PIK3C3: variants seen among roughly 807,000 people sequenced by gnomAD.
PIK3C3 encodes the protein PI3-kinase type 3.
A neutral mutation model predicts 126.1 loss-of-function variants in PIK3C3; 95 were observed. The ratio of observed to expected loss-of-function variants is 0.75; its 90% CI spans 0.64 to 0.89. PIK3C3 has a LOEUF of 0.89. PIK3C3 is among the 40% of genes least tolerant of loss of function. The pLI is 0.00. For missense variants in PIK3C3, 829 were observed against 1,063.2 expected, an observed-to-expected ratio of 0.78 and a Z score of 3.06; for synonymous variants, 374 against 360.0, an observed-to-expected ratio of 1.04 and a Z score of -0.44.
chr18:42,024,105 G>A (rs1983446626), intron 13 of PIK3C3, among the ~76,000 whole-genome samples: 1 of 152,114 alleles, frequency 6.6e-6, no homozygotes, highest in South Asian at 2.1e-4. Context: ...GCTTTGACAT[G>A]TTTTCTATAA....
intron 13 of PIK3C3, 48 bp from the exon 14 acceptor site, chr18:42,027,395 A>G (rs752247159): frequency 9.5e-7 from 1 of 1,057,824 alleles, no homozygotes; most frequent in South Asian, 1.4e-5. Context: ...TACAAACTGA[A>G]TCTAAGTTTC....
chr18:42,034,301 AC>A (rs1983953273), intron 16 of PIK3C3, among the ~76,000 whole-genome samples: 2 of 152,060 alleles, frequency 1.3e-5, no homozygotes, highest in Non-Finnish European at 2.9e-5. Flanking sequence ...CAGTCTTCCC[AC>A]CTCAGCCTCC....
intron 16 of PIK3C3, among the ~76,000 whole-genome samples, chr18:42,036,405 AT>A (rs201802320): frequency 5.3e-4 from 80 of 150,996 alleles, no homozygotes; most frequent in Admixed American, 1.6e-3. Context: ...GGTTATTACC[AT>A]TTTTTTTGTT....
At chr18:41,993,435 A>G (rs924719202) in intron 7 of PIK3C3, 94 bp downstream of exon 7, 13 of 749,850 alleles carry the variant, frequency 1.7e-5, no homozygotes, top group Non-Finnish European at 3.0e-5. Flanking sequence ...AAAGTAATAT[A>G]TAACTGCCTC....
chr18:41,956,548 C>T (rs1418933829), intron 1 of PIK3C3, among the ~76,000 whole-genome samples: 10 of 100,256 alleles, frequency 1.0e-4, no homozygotes, highest in South Asian at 3.8e-4. Context: ...AAACCGGTCC[C>T]TTTTTTTTTT....
At chr18:41,995,815 T>C (rs1458530697) in intron 7 of PIK3C3, 75 bp from the exon 8 acceptor site, 17 of 1,028,128 alleles carry the variant, frequency 1.7e-5, no homozygotes, top group Non-Finnish European at 2.3e-5. Flanking sequence ...CTAAGTACCT[T>C]TTCTATTTAT....
At chr18:41,965,711 C>T (rs1980327994) in intron 3 of PIK3C3, among the ~76,000 whole-genome samples, 1 of 152,148 alleles carries the variant, frequency 6.6e-6, no homozygotes, top group South Asian at 2.1e-4. Flanking sequence ...TCATGCGTTC[C>T]TCTTCTTTAC....
intron 3 of PIK3C3, among the ~76,000 whole-genome samples, chr18:41,967,241 T>A (rs371196949): frequency 6.6e-6 from 1 of 152,056 alleles, no homozygotes; most frequent in East Asian, 1.9e-4. Flanking sequence ...CACAGCTACT[T>A]CCTTGCATGG....
chr18:42,044,379 T>C (rs2144481009), intron 20 of PIK3C3, among the ~76,000 whole-genome samples: 1 of 152,074 alleles, frequency 6.6e-6, no homozygotes. Flanking sequence ...GGATTTTTTT[T>C]TTCATTTTCT....
chr18:42,037,543 C>G, intron 16 of PIK3C3, 149 bp from the exon 17 acceptor site: 4 of 605,480 alleles, frequency 6.6e-6, no homozygotes, highest in Middle Eastern at 4.6e-4. Context: ...TCCAGTATAC[C>G]CTAATGTATC....
At position 42,037,668 on chromosome 18, in the gene PIK3C3, G is replaced by A. The variant is rs560156238; in HGVS notation, c.1840-24G>A. 1.9e-6 allele frequency: 3 copies of A among 1,592,602 alleles called. No individual in the cohort carries two copies. In the Middle Eastern group the frequency reaches 5.2e-4, roughly 278 times the overall value. ...TATGCATTAATTCATGGCCAAATTT[G>A]AAATCAATATTTTTATTTTCCAGAG... On this transcript the variant is annotated intron_variant, in intron 16 of 24. Coordinates refer to ENST00000262039, the MANE Select transcript of PIK3C3 (RefSeq NM_002647.4).
At chr18:41,976,234 A>G (rs995761277) in intron 4 of PIK3C3, among the ~76,000 whole-genome samples, 6 of 152,132 alleles carry the variant, frequency 3.9e-5, no homozygotes, top group Admixed American at 1.3e-4. Flanking sequence ...GCATTAATCT[A>G]TTGCATCAAA....
chr18:42,073,266 G>A (rs1253819212), intron 24 of PIK3C3, among the ~76,000 whole-genome samples: 2 of 152,108 alleles, frequency 1.3e-5, no homozygotes, highest in African/African-American at 4.8e-5. Context: ...ACACGTCTAG[G>A]CAGAGAGACA....
chr18:42,013,326 C>A, intron 10 of PIK3C3, 116 bp from the exon 11 acceptor site: 1 of 637,832 alleles, frequency 1.6e-6, no homozygotes, highest in Non-Finnish European at 2.6e-6. Context: ...AAAAGTAATA[C>A]AGCTGAAAAG....
At chr18:42,074,536 G>T (rs554372229) in intron 24 of PIK3C3, among the ~76,000 whole-genome samples, 2 of 152,146 alleles carry the variant, frequency 1.3e-5, no homozygotes, top group South Asian at 2.1e-4. Flanking sequence ...ATTATTTCCT[G>T]CTGTAAATAT....
In PIK3C3 at chr18:42,083,711, T is replaced by C. The variant is rs1986327717; in HGVS notation, c.*2574T>C. 1 of 152,210 alleles carries C rather than the reference T, an allele frequency of 6.6e-6. No individual in the cohort carries two copies. Among genetic ancestry groups the C allele is most frequent in the Admixed American group, 6.5e-5 (1 of 15,282 alleles). 9.4% of individuals were successfully genotyped at this position (152,210 alleles called of 1,614,324 possible). ...TGCCTTATCTCATTATTCTGTGAGA[T>C]AGAATTGTCTCCTCATTTTTTAGTT... On this transcript the variant is annotated 3_prime_UTR_variant, in exon 25 of 25. Transcript: ENST00000262039.
In PIK3C3 at chr18:41,970,337, C is replaced by T; in HGVS notation, c.412C>T (p.Gln138Ter). 6.2e-7 allele frequency: 1 copy of T among 1,613,378 alleles called. No homozygotes were observed. The highest frequency in any genetic ancestry group is 8.5e-7 in the Non-Finnish European group (1 of 1,179,480). ...SLFGKYGMFR[Q>*]GMHDLKVWPN... is the part of the protein sequence containing the mutation. ...TCTCTTTTTCCCTAGCATGTTTCGC[C>T]AAGGGATGCATGACTTGAAAGTCTG... Residue 138 changes from glutamine (Q) to a stop codon, truncating the protein, a stop_gained, in exon 4 of 25, where the codon CAA (glutamine) becomes TAA (stop). Transcript: ENST00000262039. LOFTEE classifies it high-confidence loss of function.
At chr18:42,019,494 T>A (rs1274668510) in intron 12 of PIK3C3, among the ~76,000 whole-genome samples, 3 of 152,144 alleles carry the variant, frequency 2.0e-5, no homozygotes, top group African/African-American at 7.2e-5. Context: ...AGTAAATAAC[T>A]TTCTTCTTGA....
At chr18:42,059,262 A>G (rs1205808980) in intron 22 of PIK3C3, among the ~76,000 whole-genome samples, 2 of 152,190 alleles carry the variant, frequency 1.3e-5, no homozygotes, top group African/African-American at 4.8e-5. Flanking sequence ...AATGGCCATG[A>G]TATTTATCCT....
Sources: gnomAD v4.1 joint callset for allele counts (sites outside exome capture counted in the v4.1 genomes callset) on GRCh38, gnomAD v4.1.1 for gene constraint, MANE v1.5 for transcripts, NCBI Gene and HGNC (gene_info 2026-07-23, HGNC 2026-07-21) for gene names.